Variants in BAZ2B observed in about 807,000 individuals in gnomAD.
The protein encoded by BAZ2B is bromodomain adjacent to zinc finger domain 2B.
A neutral mutation model predicts 246.0 loss-of-function variants in BAZ2B; 91 were observed. That is an observed-to-expected ratio of 0.37 (90% confidence interval 0.31 to 0.44). BAZ2B has a LOEUF of 0.44. BAZ2B is among the 20% of genes least tolerant of loss of function. BAZ2B has a pLI of 1.00. For missense variants in BAZ2B, 2,332 were observed against 2,533.7 expected (o/e 0.92, Z 1.71); for synonymous variants, 855 against 860.0 (o/e 0.99, Z 0.10).
Position 159,348,804 on chromosome 2 carries a change from C to A in BAZ2B, c.5167G>T (p.Asp1723Tyr), listed in dbSNP as rs535875634. 4.4e-6 allele frequency: 7 copies of A among 1,606,524 alleles called. No homozygotes were observed. Among genetic ancestry groups the A allele is most frequent in the Non-Finnish European group, 5.9e-6 (7 of 1,178,240 alleles). ...AGCAAAGCTTTTAGGTCCTCTGGGT[C>A]AATAATTCTCCACCAACCAAACTGC... is the stretch of plus-strand genomic sequence containing the variant. ...EMQFGWWRII[D>Y]PEDLKALLKV... Residue 1723 changes from aspartate to tyrosine, a missense_variant, in exon 30 of 37, where the codon GAC becomes TAC. Transcript: ENST00000392783.
chr2:159,318,666 A>C (rs1035137344), downstream of BAZ2B, among the ~76,000 whole-genome samples: 3 of 152,204 alleles, frequency 2.0e-5, no homozygotes, highest in Non-Finnish European at 4.4e-5. Flanking sequence ...TCTTCTTGAC[A>C]ACTGAGTTAT....
chr2:159,712,077 C>T, the BAZ2B span: 1 of 141,570 alleles, frequency 7.1e-6, no homozygotes, highest in Admixed American at 7.6e-5. Context: ...GCGCCACTTA[C>T]CAAGAGCCAG....
the BAZ2B span, among the ~76,000 whole-genome samples, chr2:159,667,987 T>G: frequency 6.6e-6 from 1 of 152,152 alleles, no homozygotes; most frequent in Non-Finnish European, 1.5e-5. Flanking sequence ...AGAAGCAACA[T>G]GTCAACAATC....
At chr2:159,371,559 T>TC (rs1341994599) in intron 27 of BAZ2B, among the ~76,000 whole-genome samples, 3 of 152,206 alleles carry the variant, frequency 2.0e-5, no homozygotes, top group African/African-American at 7.2e-5. Flanking sequence ...CTTTCTGTCT[T>TC]CCTTTTATCC....
At chr2:159,628,077 A>G in the BAZ2B span, among the ~76,000 whole-genome samples, 1 of 152,200 alleles carries the variant, frequency 6.6e-6, no homozygotes, top group Admixed American at 6.5e-5. Context: ...CAACTGCTAT[A>G]AAGAGAATAC....
chr2:159,705,250 A>G, the BAZ2B span, among the ~76,000 whole-genome samples: 2 of 150,270 alleles, frequency 1.3e-5, no homozygotes, highest in Non-Finnish European at 3.0e-5. Context: ...TCAAACTCCT[A>G]GGTTCAAGTA....
In BAZ2B at chr2:159,431,128, T is replaced by C; in HGVS notation, c.1929A>G (p.Thr643=). The C allele has an allele frequency of 6.2e-7, 1 of 1,609,236 alleles. No individual in the cohort carries two copies. The highest frequency in any genetic ancestry group is 8.5e-7 in the Non-Finnish European group (1 of 1,176,292). The change falls in exon 10 of 37, where the codon ACA becomes ACG. Residue 643 remains threonine (T), a synonymous_variant. Transcript: ENST00000392783. ...SESDSNSESD[T]EGSEEEDDDD... is the part of the protein sequence containing the mutation. The stretch of plus-strand genomic sequence containing the variant: ...CATCATCTTCTTCTTCTGATCCTTC[T>C]GTATCTGATTCTGAATTACTATCTG...
chr2:159,619,717 A>G (rs1315259639), upstream of BAZ2B, among the ~76,000 whole-genome samples: 11 of 151,980 alleles, frequency 7.2e-5, no homozygotes, highest in Non-Finnish European at 1.5e-4. Flanking sequence ...AGTATTTGAT[A>G]CCTTCTTACT....
At chr2:159,354,324 C>T (rs2058853650) in intron 27 of BAZ2B, among the ~76,000 whole-genome samples, 1 of 150,124 alleles carries the variant, frequency 6.7e-6, no homozygotes. Flanking sequence ...ATTGCTTAAT[C>T]CTAACAGTTA....
At chr2:159,357,642 C>T (rs1268931193) in intron 27 of BAZ2B, among the ~76,000 whole-genome samples, 2 of 152,074 alleles carry the variant, frequency 1.3e-5, no homozygotes, top group Admixed American at 1.3e-4. Context: ...TTGAGAAGAG[C>T]AACCCCAAGA....
At chr2:159,602,964 C>G (rs979779622) in intron 1 of BAZ2B, among the ~76,000 whole-genome samples, 2 of 152,056 alleles carry the variant, frequency 1.3e-5, no homozygotes, top group Non-Finnish European at 2.9e-5. Context: ...TAGTGAAACC[C>G]AATGTCTAAT....
chr2:159,695,759 T>A, the BAZ2B span, among the ~76,000 whole-genome samples: 1 of 152,062 alleles, frequency 6.6e-6, no homozygotes, highest in South Asian at 2.1e-4. Context: ...TTATTTTTTA[T>A]TTTTATTTTT....
chr2:159,492,808 G>C (rs1315228700), intron 2 of BAZ2B, among the ~76,000 whole-genome samples: 2 of 152,130 alleles, frequency 1.3e-5, no homozygotes, highest in Non-Finnish European at 2.9e-5. Flanking sequence ...TTCAATGACA[G>C]AAGTCATTAT....
intron 2 of BAZ2B, among the ~76,000 whole-genome samples, chr2:159,480,582 GCACA>G (rs146050290): frequency 8.6e-5 from 13 of 150,488 alleles, no homozygotes; most frequent in South Asian, 2.1e-4. Flanking sequence ...GTGTGCGCGT[GCACA>G]CACACACACA....
At chr2:159,518,707 T>C (rs1164173092) in intron 2 of BAZ2B, among the ~76,000 whole-genome samples, 1 of 152,056 alleles carries the variant, frequency 6.6e-6, no homozygotes, top group Non-Finnish European at 1.5e-5. Context: ...TTAAAACTAA[T>C]ATGAATAAAA....
upstream of BAZ2B, among the ~76,000 whole-genome samples, chr2:159,617,588 A>T (rs930009523): frequency 1.3e-5 from 2 of 152,168 alleles, no homozygotes; most frequent in African/African-American, 4.8e-5. Flanking sequence ...AAGAGTAAGT[A>T]AAAATTAAGC....
chr2:159,442,158 G>A (rs1182873391), intron 6 of BAZ2B, among the ~76,000 whole-genome samples: 2 of 152,142 alleles, frequency 1.3e-5, no homozygotes, highest in Non-Finnish European at 2.9e-5. Context: ...GTGGGGTTTT[G>A]CTTTACATGT....
chr2:159,378,811 A>G (rs1295058152), intron 25 of BAZ2B, among the ~76,000 whole-genome samples: 1 of 152,166 alleles, frequency 6.6e-6, no homozygotes, highest in Non-Finnish European at 1.5e-5. Flanking sequence ...GACAGACAGG[A>G]GTGTTGGCAA....
At chr2:159,395,909 AC>A in intron 19 of BAZ2B, 75 bp from the exon 20 acceptor site, 1 of 1,347,972 alleles carries the variant, frequency 7.4e-7, no homozygotes, top group Non-Finnish European at 1.0e-6. Flanking sequence ...AAAAACAAAA[AC>A]AAAAACAAAA....
Sources: allele counts gnomAD v4.1 joint callset (sites outside exome capture counted in the v4.1 genomes callset), GRCh38; gene constraint gnomAD v4.1.1; transcripts MANE v1.5; gene names NCBI Gene and HGNC (gene_info 2026-07-23, HGNC 2026-07-21).